ANKHD1: variants seen among roughly 807,000 people sequenced by gnomAD.
ANKHD1 encodes ankyrin repeat and KH domain-containing protein 1.
Under a neutral mutation model 230.5 loss-of-function variants are expected in ANKHD1, and 31 were observed. The observed-to-expected ratio is 0.13, with a 90% CI of 0.10 to 0.18. The LOEUF is 0.18. Among genes scored for constraint, ANKHD1 ranks in the 10% least tolerant of loss-of-function variants. ANKHD1 has a pLI of 1.00. For synonymous variants in ANKHD1, 1,074 were observed against 1,117.6 expected (o/e 0.96, Z 0.78); for missense variants, 2,256 against 3,071.3 (o/e 0.73, Z 6.27).
At chr5:140,433,675 G>T (rs1467328020) in intron 1 of ANKHD1, among the ~76,000 whole-genome samples, 1 of 151,712 alleles carries the variant, frequency 6.6e-6, no homozygotes, top group East Asian at 1.9e-4. Context: ...TATCTCAAAT[G>T]CGCCTTTAGT....
chr5:140,473,667 TCTA>T (rs1390272238), intron 10 of ANKHD1, among the ~76,000 whole-genome samples: 1 of 152,194 alleles, frequency 6.6e-6, no homozygotes, highest in Non-Finnish European at 1.5e-5. Context: ...ATATATTTAT[TCTA>T]CTTTGAAGTA....
chr5:140,413,063 G>C (rs548693710), intron 1 of ANKHD1, among the ~76,000 whole-genome samples: 1 of 152,256 alleles, frequency 6.6e-6, no homozygotes, highest in South Asian at 2.1e-4. Context: ...GTATTAGTAT[G>C]CAATTTTGAA....
At chr5:140,431,834 C>G (rs1209466731) in intron 1 of ANKHD1, among the ~76,000 whole-genome samples, 2 of 152,200 alleles carry the variant, frequency 1.3e-5, no homozygotes, top group African/African-American at 4.8e-5. Context: ...GCAAGGGACA[C>G]ATCACCATTT....
chr5:140,417,692 A>G (rs1771508701), intron 1 of ANKHD1, among the ~76,000 whole-genome samples: 1 of 152,062 alleles, frequency 6.6e-6, no homozygotes, highest in South Asian at 2.1e-4. Flanking sequence ...GAGCTCAAGC[A>G]GTCTGCCTGC....
intron 24 of ANKHD1, among the ~76,000 whole-genome samples, chr5:140,523,139 G>A (rs1258492205): frequency 1.5e-5 from 2 of 136,054 alleles, no homozygotes; most frequent in East Asian, 4.1e-4. Flanking sequence ...TAAGAGACAG[G>A]GTTTTACTCT....
At chr5:140,534,236 C>T (rs1753973906) in intron 29 of ANKHD1, among the ~76,000 whole-genome samples, 1 of 151,828 alleles carries the variant, frequency 6.6e-6, no homozygotes, top group African/African-American at 2.4e-5. Context: ...ACTAAAAATA[C>T]AAAAAATTAG....
chr5:140,447,400 G>T (rs1445497402), intron 6 of ANKHD1, among the ~76,000 whole-genome samples: 1 of 151,710 alleles, frequency 6.6e-6, no homozygotes, highest in Admixed American at 6.6e-5. Context: ...AGAGATGGGG[G>T]TCTCACTATG....
chr5:140,459,443 T>C, intron 9 of ANKHD1, 88 bp downstream of exon 9: 4 of 1,400,308 alleles, frequency 2.9e-6, no homozygotes. Flanking sequence ...GAGCTCCTAG[T>C]AGATAATAGA....
At chr5:140,458,962 A>ATG (rs1239802660) in intron 8 of ANKHD1, 100 bp downstream of exon 8, 1 of 17,650 alleles carries the variant, frequency 5.7e-5, no homozygotes, top group East Asian at 1.8e-3. Flanking sequence ...ATATATATAT[A>ATG]TATATATATA....
intron 1 of ANKHD1, among the ~76,000 whole-genome samples, chr5:140,405,131 A>G (rs1200986497): frequency 6.6e-6 from 1 of 151,998 alleles, no homozygotes. Context: ...TCCTACACCC[A>G]CTTAGTGGTG....
chr5:140,418,435 A>C (rs1007609994), intron 1 of ANKHD1, among the ~76,000 whole-genome samples: 6 of 152,152 alleles, frequency 3.9e-5, no homozygotes, highest in African/African-American at 1.4e-4. Context: ...GGTGTGAGCC[A>C]CTACGCCTGG....
chr5:140,441,469 C>T (rs1773840284), intron 5 of ANKHD1, among the ~76,000 whole-genome samples: 1 of 151,782 alleles, frequency 6.6e-6, no homozygotes, highest in Non-Finnish European at 1.5e-5. Flanking sequence ...AAGCCAGACA[C>T]AGAAAGGAAA....
Position 140,527,009 on chromosome 5 carries a change from G to A in ANKHD1, c.5022G>A (p.Lys1674=). The part of the protein sequence containing the change: ...VSLPLSSPNI[K]LNLTSPKRGQ... ...TGCCATTAAGCTCTCCAAACATAAA[G>A]CTGAATCTCACTAGCCCTAAAAGGG... Residue 1674 remains lysine (K), a synonymous_variant, in exon 27 of 34, where the codon AAG becomes AAA. Coordinates refer to ENST00000360839, the MANE Select transcript of ANKHD1 (RefSeq NM_017747.3). The surrounding 1 kb of genome is among the most constrained non-coding windows in gnomAD (Gnocchi z 4.5). 1 of 1,613,776 alleles carries A rather than the reference G, an allele frequency of 6.2e-7. No homozygotes were observed. Among genetic ancestry groups the A allele is most frequent in the Non-Finnish European group, 8.5e-7 (1 of 1,179,848 alleles).
chr5:140,515,418 A>G (rs1421021121), intron 24 of ANKHD1, among the ~76,000 whole-genome samples: 2 of 152,228 alleles, frequency 1.3e-5, no homozygotes, highest in African/African-American at 4.8e-5. Context: ...ATGGTTTATT[A>G]GATTCCCAAT....
chr5:140,479,732 G>GTA (rs34099095), intron 10 of ANKHD1, among the ~76,000 whole-genome samples: 18 of 147,694 alleles, frequency 1.2e-4, no homozygotes, highest in African/African-American at 3.7e-4. Flanking sequence ...ACATACATAG[G>GTA]TATATATATA....
intron 1 of ANKHD1, among the ~76,000 whole-genome samples, chr5:140,435,277 TTTG>T (rs547185638): frequency 1.3e-3 from 193 of 151,650 alleles, no homozygotes; most frequent in South Asian, 4.6e-3. Flanking sequence ...TGCTATCAAG[TTTG>T]TTGTTGTTGT....
chr5:140,424,441 A>G (rs1772243314), intron 1 of ANKHD1, among the ~76,000 whole-genome samples: 1 of 152,112 alleles, frequency 6.6e-6, no homozygotes, highest in Non-Finnish European at 1.5e-5. Flanking sequence ...GCATGCTAGT[A>G]TGTCTGGCTA....
At position 140,438,476 on chromosome 5, in the gene ANKHD1, C is replaced by T; in HGVS notation, c.476C>T (p.Ser159Leu). The T allele has an allele frequency of 6.2e-7, 1 of 1,608,036 alleles. No individual in the cohort carries two copies. Among genetic ancestry groups the T allele is most frequent in the Non-Finnish European group, 8.5e-7 (1 of 1,176,766 alleles). The change falls in exon 3 of 34, where the codon TCA (serine) becomes TTA (leucine). Residue 159 changes from serine to leucine, a missense_variant. Around this residue, in one of 13 missense-constraint regions of ANKHD1, gnomAD observed 206 missense variants for 304.5 expected, o/e 0.68. Coordinates refer to ENST00000360839, the MANE Select transcript of ANKHD1 (RefSeq NM_017747.3). The stretch of plus-strand genomic sequence containing the variant: ...CACACTGAAGGAATTGGCAAATTGT[C>T]AACTGCTGATGGTAAAGCTTTTGCA... ...LLEAAGIGKL[S>L]TADGKAFADP...
intron 7 of ANKHD1, among the ~76,000 whole-genome samples, chr5:140,453,169 G>T (rs1370905240): frequency 1.3e-5 from 2 of 152,026 alleles, no homozygotes; most frequent in Non-Finnish European, 2.9e-5. Flanking sequence ...GAGAAAAAAG[G>T]GTAAAAAGAA....
Sources: gnomAD v4.1 joint callset for allele counts (sites outside exome capture counted in the v4.1 genomes callset) on GRCh38, gnomAD v4.1.1 for gene constraint, gnomAD v4.1.1 regional missense constraint, Gnocchi (gnomAD v3.1) non-coding constraint, MANE v1.5 for transcripts, NCBI Gene and HGNC (gene_info 2026-07-23, HGNC 2026-07-21) for gene names.